The following SYK variants were observed in gnomAD, a reference collection of about 807,000 sequenced individuals.
The protein encoded by SYK is spleen associated tyrosine kinase.
A neutral mutation model predicts 77.8 loss-of-function variants in SYK; 16 were observed. The observed-to-expected ratio is 0.21, with a 90% CI of 0.14 to 0.31. The LOEUF is 0.31. Ranked by LOEUF, SYK falls within the 10% of genes least tolerant of loss-of-function variation. The pLI is 1.00. For missense variants in SYK, 529 were observed against 814.4 expected (o/e 0.65, Z 4.26); for synonymous variants, 312 against 308.7 (o/e 1.01, Z -0.11).
At position 90,898,027 on chromosome 9, in the gene SYK, T is replaced by C. The variant is rs13559; in HGVS notation, c.*2427T>C. On this transcript the variant is annotated 3_prime_UTR_variant, in exon 14 of 14. Transcript: ENST00000375754. ...GCAGCTAGCTTGGGCTGGATTCTCA[T>C]ACCCAGGCTGCCCCTTGGATTGTTC... The C allele has an allele frequency of 0.72, 163,826 of 228,118 alleles. 60,420 individuals carry two copies. The highest frequency in any genetic ancestry group is 0.79 in the Non-Finnish European group (90,534 of 115,012). 14.1% of individuals were successfully genotyped at this position (228,118 alleles called of 1,614,324 possible).
intron 1 of SYK, among the ~76,000 whole-genome samples, chr9:90,809,892 C>T (rs1040333347): frequency 1.3e-4 from 20 of 152,042 alleles, no homozygotes; most frequent in Non-Finnish European, 2.6e-4. Flanking sequence ...ATCTCAGACC[C>T]GTTTCCCTCC....
At chr9:90,810,346 G>T (rs1825027179) in intron 1 of SYK, among the ~76,000 whole-genome samples, 1 of 152,156 alleles carries the variant, frequency 6.6e-6, no homozygotes, top group Non-Finnish European at 1.5e-5. Flanking sequence ...TCTGGGTCCA[G>T]ATCTCCTTTT....
At chr9:90,889,587 G>A (rs939908597) in intron 13 of SYK, among the ~76,000 whole-genome samples, 15 of 152,202 alleles carry the variant, frequency 9.9e-5, no homozygotes, top group Non-Finnish European at 1.9e-4. Context: ...GAGTGACAGG[G>A]AAATAATCTC....
chr9:90,854,982 CCTCT>C (rs148819313), intron 3 of SYK, among the ~76,000 whole-genome samples: 5 of 136,898 alleles, frequency 3.7e-5, no homozygotes, highest in Non-Finnish European at 7.8e-5. Flanking sequence ...CTACAGCCCG[CCTCT>C]CTCTCTCTCA....
intron 3 of SYK, among the ~76,000 whole-genome samples, chr9:90,849,113 G>A (rs1398647955): frequency 3.9e-5 from 6 of 152,242 alleles, no homozygotes; most frequent in Non-Finnish European, 7.3e-5. Flanking sequence ...CCTGCTTTGG[G>A]CAAGTTGGGG....
chr9:90,881,679 CAA>C (rs10526591), intron 11 of SYK, among the ~76,000 whole-genome samples: 1 of 89,416 alleles, frequency 1.1e-5, no homozygotes. Flanking sequence ...GACTCTGTCT[CAA>C]AAAAAAAAAG....
chr9:90,827,599 A>C (rs1012723093), intron 1 of SYK: 2 of 152,212 alleles, frequency 1.3e-5, no homozygotes, highest in Admixed American at 1.3e-4. Context: ...ATTTGTGGGA[A>C]TCAAGCATAT....
intron 6 of SYK, among the ~76,000 whole-genome samples, chr9:90,865,603 T>C (rs1247395818): frequency 6.6e-6 from 1 of 152,064 alleles, no homozygotes; most frequent in East Asian, 1.9e-4. Flanking sequence ...GCCACCACAC[T>C]CTGCCTAGCC....
chr9:90,880,543 A>G (rs1383900120), intron 11 of SYK, among the ~76,000 whole-genome samples: 2 of 152,224 alleles, frequency 1.3e-5, no homozygotes, highest in Non-Finnish European at 2.9e-5. Flanking sequence ...GCCTGTTGTA[A>G]TGCTGGATGT....
chr9:90,874,359 G>C, intron 8 of SYK, 68 bp downstream of exon 8: 1 of 1,486,052 alleles, frequency 6.7e-7, no homozygotes, highest in Non-Finnish European at 9.4e-7. Flanking sequence ...AGTTTGTAGA[G>C]TTGGTTCACG....
intron 1 of SYK, among the ~76,000 whole-genome samples, chr9:90,808,777 T>G (rs972713138): frequency 1.6e-4 from 24 of 152,108 alleles, no homozygotes; most frequent in African/African-American, 4.6e-4. Flanking sequence ...TCTCTGTCGC[T>G]TCTAAGGCAC....
intron 11 of SYK, among the ~76,000 whole-genome samples, chr9:90,887,222 C>T (rs1212282540): frequency 1.3e-5 from 2 of 152,158 alleles, no homozygotes; most frequent in African/African-American, 2.4e-5. Flanking sequence ...CCTCTAGGCT[C>T]ATGCATATTG....
chr9:90,844,798 C>T (rs956273761), intron 2 of SYK, among the ~76,000 whole-genome samples: 1 of 152,236 alleles, frequency 6.6e-6, no homozygotes. Flanking sequence ...TATTGATGGA[C>T]ACATTTGCTG....
chr9:90,814,211 G>T (rs1259987894), intron 1 of SYK, among the ~76,000 whole-genome samples: 3 of 152,084 alleles, frequency 2.0e-5, no homozygotes, highest in Non-Finnish European at 4.4e-5. Context: ...CCAACTAGAA[G>T]GAATTTCTGG....
intron 1 of SYK, among the ~76,000 whole-genome samples, chr9:90,815,046 T>G (rs1825239950): frequency 6.6e-6 from 1 of 151,574 alleles, no homozygotes; most frequent in East Asian, 1.9e-4. Context: ...CTCAAGAGGG[T>G]TTTGAGGGAC....
chr9:90,834,846 C>T (rs1244170239), intron 1 of SYK, among the ~76,000 whole-genome samples: 4 of 152,170 alleles, frequency 2.6e-5, no homozygotes, highest in Admixed American at 2.6e-4. Context: ...CCCAGGGAAG[C>T]CAAAAGATTG....
At chr9:90,868,998 T>C (rs1353376279) in intron 7 of SYK, among the ~76,000 whole-genome samples, 1 of 152,194 alleles carries the variant, frequency 6.6e-6, no homozygotes, top group African/African-American at 2.4e-5. Flanking sequence ...ATTTTAAGTG[T>C]AAAAGTCAAT....
intron 7 of SYK, among the ~76,000 whole-genome samples, chr9:90,870,445 A>T (rs1827685813): frequency 6.6e-6 from 1 of 152,252 alleles, no homozygotes; most frequent in Non-Finnish European, 1.5e-5. Context: ...ATTGGTGATT[A>T]TAATATTTTA....
intron 1 of SYK, among the ~76,000 whole-genome samples, chr9:90,826,561 G>A (rs757672114): frequency 3.3e-5 from 5 of 152,162 alleles, no homozygotes; most frequent in African/African-American, 4.8e-5. Flanking sequence ...CTTCCCTCGC[G>A]AGGCTCCTAA....
Sources: gnomAD v4.1 joint callset for allele counts (sites outside exome capture counted in the v4.1 genomes callset) on GRCh38, gnomAD v4.1.1 for gene constraint, MANE v1.5 for transcripts, NCBI Gene and HGNC (gene_info 2026-07-23, HGNC 2026-07-21) for gene names.